Variants in DNAH7 observed in about 807,000 individuals in gnomAD.
The protein encoded by DNAH7 is axonemal beta dynein heavy chain 7.
A neutral mutation model predicts 444.6 loss-of-function variants in DNAH7; 397 were observed. That is an observed-to-expected ratio of 0.89 (90% CI 0.82 to 0.97). DNAH7 has a LOEUF of 0.97. DNAH7 is among the 50% of genes least tolerant of loss of function. The pLI is 0.00. For synonymous variants in DNAH7, 1,636 were observed against 1,624.4 expected (o/e 1.01, Z -0.17); for missense variants, 4,902 against 4,800.8 (o/e 1.02, Z -0.62).
Position 196,068,764 on chromosome 2 carries a change from G to A in DNAH7, c.-53C>T, listed in dbSNP as rs754426907. 1.7e-4 allele frequency: 262 copies of A among 1,547,930 alleles called. No homozygotes were observed. Among genetic ancestry groups the A allele is most frequent in the Non-Finnish European group, 2.2e-4 (248 of 1,146,014 alleles). ...GTGCTTCTGGGTTGCTCCTGCCCGC[G>A]GAACCCCTAGGACGATAGAGGCAGG... On this transcript the variant is annotated 5_prime_UTR_variant, in exon 1 of 65. Coordinates refer to ENST00000312428, the MANE Select transcript of DNAH7 (RefSeq NM_018897.3).
rs931359117 is a variant in DNAH7 at position 195,823,713 on chromosome 2, G to A, written c.9291+542C>T. The stretch of plus-strand genomic sequence containing the variant: ...AGTAGGACTAAAAACAGAATAAGGT[G>A]TAGGCCATAAACCTAGGAGCTCAGC... On this transcript the variant is annotated intron_variant, in intron 49 of 64. Transcript: ENST00000312428. Among the ~76,000 whole-genome samples the A allele has an allele frequency of 3.9e-5, 6 of 152,212 alleles. No homozygotes were observed. In the East Asian group the frequency reaches 1.2e-3, roughly 29 times the overall value.
At position 195,855,948 on chromosome 2, in the gene DNAH7, C is replaced by A; in HGVS notation, c.8458G>T (p.Ala2820Ser). ...VAPKKIKLAAAEGELKIAMDG... is the reference protein window; with the variant it reads ...VAPKKIKLAASEGELKIAMDG... The stretch of plus-strand genomic sequence containing the variant: ...ATGGCAATTTTAAGCTCCCCTTCAG[C>A]TGCAGCCAGTTTTATCTTTTTGGGA... Residue 2820 changes from alanine (A) to serine (S), a missense_variant, in exon 45 of 65, where the codon GCT becomes TCT. Physicochemically the swap from Ala to Ser is moderately conservative, Grantham distance 99. Coordinates refer to ENST00000312428, the MANE Select transcript of DNAH7 (RefSeq NM_018897.3). The A allele has an allele frequency of 6.2e-7, 1 of 1,613,768 alleles. No individual in the cohort carries two copies. The highest frequency in any genetic ancestry group is 8.5e-7 in the Non-Finnish European group (1 of 1,179,840).
At chr2:195,856,326 A>G (rs1699703009) in intron 44 of DNAH7, among the ~76,000 whole-genome samples, 1 of 152,234 alleles carries the variant, frequency 6.6e-6, no homozygotes, top group Non-Finnish European at 1.5e-5. Context: ...TTTTCATGAG[A>G]AAGTGAGGTA....
In DNAH7 at chr2:196,067,585, A is replaced by C. The variant is rs79519081; in HGVS notation, c.15+1112T>G. Among the ~76,000 whole-genome samples the C allele has an allele frequency of 6.3e-3, 953 of 152,284 alleles. 10 individuals are homozygous for C. The highest frequency in any genetic ancestry group is 0.022 in the African/African-American group (919 of 41,566). On this transcript the variant is annotated intron_variant, in intron 1 of 64. Coordinates refer to ENST00000312428, the MANE Select transcript of DNAH7 (RefSeq NM_018897.3). ...ATACTTATTTTTTTAAAAAGGTTCA[A>C]ACCAAATTTTCTTGAGCATTTCAGG...
At chr2:195,830,411 A>C (rs1698007514) in intron 48 of DNAH7, among the ~76,000 whole-genome samples, 1 of 152,210 alleles carries the variant, frequency 6.6e-6, no homozygotes, top group African/African-American at 2.4e-5. Flanking sequence ...TGAATTATCT[A>C]TATTATCCCA....
chr2:196,003,021 A>G (rs559638235), intron 10 of DNAH7, among the ~76,000 whole-genome samples: 4 of 152,188 alleles, frequency 2.6e-5, no homozygotes, highest in African/African-American at 9.6e-5. Flanking sequence ...AAAGAAAAAA[A>G]AAAAAGATGG....
chr2:196,016,230 T>A (rs950488171), intron 9 of DNAH7, among the ~76,000 whole-genome samples: 2 of 151,924 alleles, frequency 1.3e-5, no homozygotes, highest in Non-Finnish European at 2.9e-5. Context: ...GTTCTGAAAG[T>A]GGATATAAAA....
intron 38 of DNAH7, among the ~76,000 whole-genome samples, chr2:195,874,308 A>G (rs1366801355): frequency 1.3e-5 from 2 of 152,214 alleles, no homozygotes; most frequent in Non-Finnish European, 2.9e-5. Flanking sequence ...TGGAAAATAT[A>G]AAACAGTTTA....
chr2:195,802,793 T>C (rs1212888360), intron 54 of DNAH7, among the ~76,000 whole-genome samples: 2 of 152,164 alleles, frequency 1.3e-5, no homozygotes, highest in Non-Finnish European at 2.9e-5. Context: ...GCTTTTAGGG[T>C]ATCCGTTACC....
rs538967900 is a variant in DNAH7 at position 195,956,421 on chromosome 2, C to T, written c.3078+840G>A. On this transcript the variant is annotated intron_variant, in intron 19 of 64. Coordinates refer to ENST00000312428, the MANE Select transcript of DNAH7 (RefSeq NM_018897.3). ...ATCCCAGCATTTTGGGAGGCCGAGG[C>T]GGGTGGATCACTTGAGGTCAAGAGA... 9.4e-4 allele frequency among the ~76,000 whole-genome samples: 143 copies of T among 152,220 alleles called. 2 individuals carry two copies. Among genetic ancestry groups the T allele is most frequent in the Admixed American group, 8.5e-4 (13 of 15,288 alleles).
At chr2:195,887,770 C>T (rs1204388354) in intron 33 of DNAH7, among the ~76,000 whole-genome samples, 1 of 152,170 alleles carries the variant, frequency 6.6e-6, no homozygotes, top group Non-Finnish European at 1.5e-5. Context: ...CTCATCAACT[C>T]TCAGAGGCAG....
intron 19 of DNAH7, among the ~76,000 whole-genome samples, chr2:195,952,133 C>T (rs1016519367): frequency 6.6e-6 from 1 of 152,158 alleles, no homozygotes; most frequent in African/African-American, 2.4e-5. Flanking sequence ...CTGGTGTTGA[C>T]AAAATCTCTC....
intron 19 of DNAH7, among the ~76,000 whole-genome samples, chr2:195,937,691 ACT>A (rs1689147613): frequency 6.6e-6 from 1 of 152,154 alleles, no homozygotes; most frequent in South Asian, 2.1e-4. Flanking sequence ...AATTCTTTTT[ACT>A]TTTTTTTCTT....
chr2:195,827,849 T>C (rs1172635829), intron 48 of DNAH7, among the ~76,000 whole-genome samples: 1 of 152,146 alleles, frequency 6.6e-6, no homozygotes, highest in African/African-American at 2.4e-5. Flanking sequence ...AGTGCTACGA[T>C]TACAGGAATG....
chr2:196,050,420 A>G (rs1697392656), intron 3 of DNAH7, among the ~76,000 whole-genome samples: 1 of 152,194 alleles, frequency 6.6e-6, no homozygotes, highest in African/African-American at 2.4e-5. Flanking sequence ...GATGAGTGGT[A>G]GTAATAATTA....
intron 12 of DNAH7, chr2:195,999,266 T>C (rs1167724051): frequency 1.5e-5 from 11 of 712,242 alleles, no homozygotes; most frequent in Non-Finnish European, 2.4e-5. Flanking sequence ...AAACAAAAGA[T>C]GGTTGCCTTA....
At chr2:196,026,708 C>A in intron 7 of DNAH7, 52 bp downstream of exon 7, 4 of 1,296,392 alleles carry the variant, frequency 3.1e-6, no homozygotes, top group African/African-American at 1.5e-5. Context: ...CAAAAATAAT[C>A]TTTAATGAGA....
intron 25 of DNAH7, among the ~76,000 whole-genome samples, chr2:195,909,183 G>A (rs1022777468): frequency 5.3e-5 from 8 of 151,882 alleles, no homozygotes; most frequent in African/African-American, 4.8e-5. Flanking sequence ...ATAAACTCTC[G>A]CAACACACAA....
At chr2:195,948,757 A>G (rs964172655) in intron 19 of DNAH7, among the ~76,000 whole-genome samples, 1 of 152,028 alleles carries the variant, frequency 6.6e-6, no homozygotes, top group Non-Finnish European at 1.5e-5. Context: ...TTTGCTTAGG[A>G]TTGTCTTGGC....
Sources: gnomAD v4.1 joint callset for allele counts (sites outside exome capture counted in the v4.1 genomes callset) on GRCh38, gnomAD v4.1.1 for gene constraint, MANE v1.5 for transcripts, NCBI Gene and HGNC (gene_info 2026-07-23, HGNC 2026-07-21) for gene names.